Variants in DCAF5 observed in about 807,000 individuals in gnomAD.
DCAF5 encodes DDB1 and CUL4 associated factor 5.
In DCAF5, 9 loss-of-function variants were observed where a neutral mutation model predicts 80.7. The observed-to-expected ratio is 0.11, with a 90% CI of 0.07 to 0.19. The LOEUF is 0.19. DCAF5 is among the 10% of genes least tolerant of loss of function. DCAF5 has a pLI of 1.00. For missense variants in DCAF5, 842 were observed against 1,205.7 expected (o/e 0.70, Z 4.47); for synonymous variants, 433 against 461.9 (o/e 0.94, Z 0.80).
chr14:69,128,010 G>GA (rs1177152126), intron 1 of DCAF5, among the ~76,000 whole-genome samples: 6 of 151,646 alleles, frequency 4.0e-5, no homozygotes, highest in African/African-American at 1.2e-4. Flanking sequence ...TGTTAAAAAA[G>GA]AAAAAAATCC....
intron 6 of DCAF5, chr14:69,083,814 T>C (rs2039209439): frequency 1.4e-6 from 1 of 719,040 alleles, no homozygotes. Context: ...CCAAGTCTCC[T>C]AAAGAAACAG....
chr14:69,063,626 C>T (rs1173915243), intron 7 of DCAF5, among the ~76,000 whole-genome samples: 6 of 152,226 alleles, frequency 3.9e-5, no homozygotes, highest in African/African-American at 2.4e-5. Context: ...CTTGTTCAAA[C>T]ACTCATTCCA....
intron 1 of DCAF5, chr14:69,149,452 T>G (rs1271717409): frequency 6.6e-6 from 1 of 152,224 alleles, no homozygotes; most frequent in Non-Finnish European, 1.5e-5. Flanking sequence ...CCTGATTTTC[T>G]CCGGTTTACT....
chr14:69,120,252 T>TA (rs1162358979), intron 2 of DCAF5, among the ~76,000 whole-genome samples: 14 of 150,890 alleles, frequency 9.3e-5, no homozygotes, highest in African/African-American at 2.7e-4. Context: ...CCTGGCTAAT[T>TA]AAAAAAAAAA....
At chr14:69,113,679 T>C (rs951966595) in intron 5 of DCAF5, among the ~76,000 whole-genome samples, 1 of 152,102 alleles carries the variant, frequency 6.6e-6, no homozygotes, top group Admixed American at 6.6e-5. Context: ...TAATCCTACA[T>C]GGAAAAGAAA....
intron 5 of DCAF5, among the ~76,000 whole-genome samples, chr14:69,107,269 G>A (rs191934448): frequency 4.3e-4 from 66 of 152,244 alleles, no homozygotes; most frequent in African/African-American, 1.5e-3. Flanking sequence ...AGGAATGGAC[G>A]CAAGCAATCT....
chr14:69,098,633 C>T (rs1282728752), intron 5 of DCAF5, among the ~76,000 whole-genome samples: 1 of 151,130 alleles, frequency 6.6e-6, no homozygotes, highest in African/African-American at 2.4e-5. Flanking sequence ...CCTGTAATCC[C>T]AGCACTTTGG....
intron 6 of DCAF5, among the ~76,000 whole-genome samples, chr14:69,077,353 CACG>C (rs2038938486): frequency 7.2e-6 from 1 of 138,602 alleles, no homozygotes; most frequent in African/African-American, 2.8e-5. Context: ...AGGCATGCAC[CACG>C]ACATGTAGCT....
chr14:69,123,277 G>C (rs2040779351), intron 1 of DCAF5, among the ~76,000 whole-genome samples: 1 of 152,214 alleles, frequency 6.6e-6, no homozygotes. Context: ...AAAGCTCCAT[G>C]ACAGCAGAAA....
rs2038245868 is a variant in DCAF5, at chr14:69,062,290, T to C, written c.1074+94A>G. On this transcript the variant is annotated intron_variant, in intron 8 of 8. Coordinates refer to ENST00000341516, the MANE Select transcript of DCAF5 (RefSeq NM_003861.3). ...AGAATTCTGATAGACCTTTAGTATG[T>C]TTAAATATGAGGTCCTACATAAATT... is the stretch of plus-strand genomic sequence containing the variant. 7.4e-6 allele frequency: 10 copies of C among 1,344,784 alleles called. No homozygotes were observed. In the Admixed American group the frequency reaches 1.2e-4, roughly 17 times the overall value. 83.3% of individuals were successfully genotyped at this position (1,344,784 alleles called of 1,614,324 possible). A position where few individuals can be genotyped will look rare whatever the true frequency, so the allele number is the denominator to read the frequency against.
At chr14:69,109,122 A>G (rs2040263295) in intron 5 of DCAF5, among the ~76,000 whole-genome samples, 1 of 152,036 alleles carries the variant, frequency 6.6e-6, no homozygotes, top group South Asian at 2.1e-4. Context: ...CGGGTGGATC[A>G]TGAGGTCAGG....
chr14:69,099,251 A>AATAC, intron 5 of DCAF5, among the ~76,000 whole-genome samples: 2 of 124,350 alleles, frequency 1.6e-5, no homozygotes, highest in Middle Eastern at 8.2e-3. Context: ...ACTCTGTCTC[A>AATAC]ACACACACAC....
At chr14:69,116,253 T>C in intron 5 of DCAF5, 113 bp downstream of exon 5, 1 of 1,278,296 alleles carries the variant, frequency 7.8e-7, no homozygotes, top group Non-Finnish European at 1.1e-6. Context: ...TCTTAAGAAA[T>C]GCCCAGCAGA....
chr14:69,058,484 A>T (rs969122752), intron 8 of DCAF5, among the ~76,000 whole-genome samples: 1 of 151,824 alleles, frequency 6.6e-6, no homozygotes, highest in Non-Finnish European at 1.5e-5. Context: ...GCGCCACTGC[A>T]CTCCAGCTTG....
intron 5 of DCAF5, among the ~76,000 whole-genome samples, chr14:69,109,644 T>C (rs528444274): frequency 8.0e-4 from 122 of 152,238 alleles, no homozygotes; most frequent in Non-Finnish European, 1.6e-3. Flanking sequence ...TGTATATTTA[T>C]AGTTTGTTGT....
intron 5 of DCAF5, among the ~76,000 whole-genome samples, chr14:69,098,559 C>CA (rs1278095927): frequency 2.0e-5 from 3 of 151,892 alleles, no homozygotes; most frequent in African/African-American, 7.3e-5. Flanking sequence ...GTTGAATGAA[C>CA]AATCTAATAG....
Position 69,053,814 on chromosome 14 carries a change from T to G in DCAF5, c.*43A>C, listed in dbSNP as rs565501310. The G allele has an allele frequency of 8.9e-5, 134 of 1,512,646 alleles. No homozygotes were observed. The highest frequency in any genetic ancestry group is 8.4e-4 in the African/African-American group (60 of 71,526). 93.7% of individuals were successfully genotyped at this position (1,512,646 alleles called of 1,614,324 possible). On this transcript the variant is annotated 3_prime_UTR_variant, in exon 9 of 9. Transcript: ENST00000341516. ...ATTCACTAAACAATTTTTTTTTTTT[T>G]GTAAGGCTACTTTTGTAGCTTTTTG...
chr14:69,066,193 G>A (rs1359863155), intron 7 of DCAF5, among the ~76,000 whole-genome samples: 2 of 150,446 alleles, frequency 1.3e-5, no homozygotes, highest in African/African-American at 2.5e-5. Context: ...AGAGTGTAGT[G>A]GCATGATCTC....
chr14:69,148,371 AATC>A (rs1232870476), intron 1 of DCAF5, among the ~76,000 whole-genome samples: 1 of 152,174 alleles, frequency 6.6e-6, no homozygotes, highest in Non-Finnish European at 1.5e-5. Context: ...AAGAGACTAC[AATC>A]ATCAAGTATA....
Sources: gnomAD v4.1 joint callset for allele counts (sites outside exome capture counted in the v4.1 genomes callset) on GRCh38, gnomAD v4.1.1 for gene constraint, MANE v1.5 for transcripts, NCBI Gene and HGNC (gene_info 2026-07-23, HGNC 2026-07-21) for gene names.